ABCB4: variants seen among roughly 807,000 people sequenced by gnomAD.
The protein encoded by ABCB4 is ATP binding cassette subfamily B member 4, also known as phosphatidylcholine translocator ABCB4.
ABCB4 carries 76 observed loss-of-function variants against 145.7 expected under a neutral mutation model. The ratio of observed to expected loss-of-function variants is 0.52; its 90% CI spans 0.43 to 0.63. The LOEUF (loss-of-function observed/expected upper bound fraction) is 0.63, where lower values mean the gene tolerates loss of function less well. Among genes scored for constraint, ABCB4 ranks in the 30% least tolerant of loss-of-function variants. The pLI is 0.00. For missense variants in ABCB4, 1,234 were observed against 1,553.1 expected (o/e 0.79, Z 3.45); for synonymous variants, 517 against 566.8 (o/e 0.91, Z 1.25).
Position 87,443,318 on chromosome 7 carries a change from C to T in ABCB4, c.1356+1G>A. The T allele has an allele frequency of 6.2e-7, 1 of 1,614,064 alleles. No homozygotes were observed. The highest frequency in any genetic ancestry group is 1.1e-5 in the South Asian group (1 of 91,084). On this transcript the variant is annotated splice_donor_variant, in intron 12 of 27. Coordinates refer to ENST00000649586, the MANE Select transcript of ABCB4 (RefSeq NM_000443.4). LOFTEE classifies it high-confidence loss of function. ...TGGAAAGCTTGGTTCTTCCCACTTA[C>T]TGTGCCCTCATCAGGGTCATAGAGC... is the stretch of plus-strand genomic sequence containing the variant.
chr7:87,434,730 G>C (rs973833285), intron 14 of ABCB4, among the ~76,000 whole-genome samples: 1 of 151,326 alleles, frequency 6.6e-6, no homozygotes, highest in African/African-American at 2.4e-5. Context: ...CCTGGAGACA[G>C]AGCGAGACTC....
In ABCB4 at chr7:87,440,223, A is replaced by G. The variant is rs773609384; in HGVS notation, c.1536T>C (p.Tyr512=). The change falls in exon 13 of 28, where the codon TAT becomes TAC. Residue 512 remains tyrosine, a synonymous_variant. Transcript: ENST00000649586. ...IKKAVKEANA[Y]EFIMKLPQKF... Reference sequence around the variant, plus strand: ...CCTGTGGTAATTTCATGATAAACTCATAGGCGTTGGCCTCTTTGACAGCTT... The same window carrying G: ...CCTGTGGTAATTTCATGATAAACTCGTAGGCGTTGGCCTCTTTGACAGCTT... The G allele has an allele frequency of 1.2e-6, 2 of 1,614,028 alleles. No homozygotes were observed. The highest frequency in any genetic ancestry group is 1.7e-6 in the Non-Finnish European group (2 of 1,179,996).
Position 87,406,317 on chromosome 7 carries a change from T to C in ABCB4, c.3457A>G (p.Ile1153Val), listed in dbSNP as rs753498831. The change falls in exon 26 of 28, where the codon ATA (isoleucine) becomes GTA (valine). Residue 1153 changes from isoleucine to valine, a missense_variant. Ile to Val is a conservative substitution (Grantham distance 29). Around this residue, in one of 7 missense-constraint regions of ABCB4, gnomAD observed 301 missense variants for 389.0 expected, o/e 0.77. Coordinates refer to ENST00000649586, the MANE Select transcript of ABCB4 (RefSeq NM_000443.4). The stretch of plus-strand genomic sequence containing the variant: ...GGTAACGTCTCGATGAAAGGATGTA[T>C]GTTGGCAGCTTTGGCTGCACTCACA... ...EIVSAAKAAN[I>V]HPFIETLPHK... 6.2e-7 allele frequency: 1 copy of C among 1,614,188 alleles called. No individual in the cohort carries two copies. Among genetic ancestry groups the C allele is most frequent in the Non-Finnish European group, 8.5e-7 (1 of 1,180,022 alleles).
chr7:87,464,482 G>A (rs1029194653), intron 3 of ABCB4, among the ~76,000 whole-genome samples: 7 of 152,292 alleles, frequency 4.6e-5, no homozygotes, highest in Non-Finnish European at 8.8e-5. Context: ...GAACACTTGA[G>A]TCTGTCAGCT....
At chr7:87,432,566 C>T (rs564988060) in intron 14 of ABCB4, among the ~76,000 whole-genome samples, 1 of 152,288 alleles carries the variant, frequency 6.6e-6, no homozygotes, top group Admixed American at 6.5e-5. Context: ...TTTTGATTCA[C>T]ATCACAACAT....
chr7:87,427,585 T>C (rs1809927093), intron 15 of ABCB4, among the ~76,000 whole-genome samples: 1 of 151,946 alleles, frequency 6.6e-6, no homozygotes, highest in Non-Finnish European at 1.5e-5. Flanking sequence ...ACTGGTTCCC[T>C]ATTTGCTTCC....
chr7:87,438,912 G>C (rs558169927), intron 14 of ABCB4, among the ~76,000 whole-genome samples: 101 of 152,242 alleles, frequency 6.6e-4, no homozygotes, highest in African/African-American at 2.4e-3. Flanking sequence ...GTAAGAGGTG[G>C]TTCAGATAGA....
chr7:87,413,750 G>T, intron 21 of ABCB4, 33 bp from the exon 22 acceptor site: 5 of 1,380,124 alleles, frequency 3.6e-6, no homozygotes, highest in Non-Finnish European at 4.1e-6. Context: ...ATTAGAAGTG[G>T]TGTTTTCACT....
intron 9 of ABCB4, among the ~76,000 whole-genome samples, chr7:87,446,686 G>A (rs923088779): frequency 6.6e-6 from 1 of 152,188 alleles, no homozygotes; most frequent in East Asian, 1.9e-4. Context: ...GACCTATTCT[G>A]TAATAATGAT....
intron 25 of ABCB4, among the ~76,000 whole-genome samples, chr7:87,407,201 T>G (rs1054302344): frequency 6.6e-6 from 1 of 152,178 alleles, no homozygotes; most frequent in Non-Finnish European, 1.5e-5. Context: ...GGCAAAGGAA[T>G]AGACACAAGT....
rs528173794 is a variant in ABCB4 at position 87,474,858 on chromosome 7, C to T, written c.80+528G>A. Among the ~76,000 whole-genome samples the T allele has an allele frequency of 2.0e-5, 3 of 152,180 alleles. No individual in the cohort carries two copies. In the East Asian group the frequency reaches 5.8e-4, roughly 29 times the overall value. ...CAGAAGTTCCCCCTCCCCACCTATC[C>T]TCCCAGAAAGGAGAAATACAAATAA... On this transcript the variant is annotated intron_variant, in intron 2 of 27. Transcript: ENST00000649586.
intron 4 of ABCB4, among the ~76,000 whole-genome samples, chr7:87,459,214 G>A (rs1812296407): frequency 6.6e-6 from 1 of 152,094 alleles, no homozygotes; most frequent in Non-Finnish European, 1.5e-5. Flanking sequence ...GTACTGTTAA[G>A]TATATTCACA....
At chr7:87,368,949 TC>T in the ABCB4 span, among the ~76,000 whole-genome samples, 1 of 152,256 alleles carries the variant, frequency 6.6e-6, no homozygotes, top group African/African-American at 2.4e-5. Flanking sequence ...TATTGAGTTA[TC>T]ATAGCTAGAT....
chr7:87,392,316 T>C, the ABCB4 span, among the ~76,000 whole-genome samples: 1 of 151,242 alleles, frequency 6.6e-6, no homozygotes, highest in Non-Finnish European at 1.5e-5. Context: ...TTATACTTGT[T>C]AGTGTCACTT....
chr7:87,370,848 G>A, the ABCB4 span, among the ~76,000 whole-genome samples: 1 of 152,204 alleles, frequency 6.6e-6, no homozygotes, highest in Non-Finnish European at 1.5e-5. Flanking sequence ...ACACCCAGGA[G>A]AGAATTTGCT....
chr7:87,436,599 T>C (rs1810623737), intron 14 of ABCB4, among the ~76,000 whole-genome samples: 2 of 152,072 alleles, frequency 1.3e-5, no homozygotes, highest in South Asian at 4.1e-4. Flanking sequence ...CAGATACAGA[T>C]CATTTCTTAT....
chr7:87,381,831 C>T, the ABCB4 span: 1 of 945,166 alleles, frequency 1.1e-6, no homozygotes, highest in East Asian at 2.5e-5. Flanking sequence ...TAAGAATGGA[C>T]ACAAAGTGAA....
At chr7:87,463,150 T>C (rs1562999109) in intron 3 of ABCB4, among the ~76,000 whole-genome samples, 1 of 152,164 alleles carries the variant, frequency 6.6e-6, no homozygotes, top group Admixed American at 6.6e-5. Context: ...AAATAATTAC[T>C]ATACAATCAA....
At chr7:87,449,344 T>TA (rs1283583208) in intron 8 of ABCB4, among the ~76,000 whole-genome samples, 1 of 152,104 alleles carries the variant, frequency 6.6e-6, no homozygotes, top group Non-Finnish European at 1.5e-5. Context: ...TAAAATAAAA[T>TA]AAAAAATATT....
Sources: gnomAD v4.1 joint callset for allele counts (sites outside exome capture counted in the v4.1 genomes callset) on GRCh38, gnomAD v4.1.1 for gene constraint, gnomAD v4.1.1 regional missense constraint, MANE v1.5 for transcripts, NCBI Gene and HGNC (gene_info 2026-07-23, HGNC 2026-07-21) for gene names.